Variants in FNDC3B observed in about 807,000 individuals in gnomAD.
The protein encoded by FNDC3B is fibronectin type III domain containing 3B.
FNDC3B carries 12 observed loss-of-function variants against 151.5 expected under a neutral mutation model. The observed-to-expected ratio is 0.08, with a 90% confidence interval of 0.05 to 0.13. The LOEUF is 0.13. Among genes scored for constraint, FNDC3B ranks in the 10% least tolerant of loss-of-function variants. The pLI is 1.00. For missense variants in FNDC3B, 1,214 were observed against 1,505.3 expected, an observed-to-expected ratio of 0.81 and a Z score of 3.20; for synonymous variants, 528 against 549.0, an observed-to-expected ratio of 0.96 and a Z score of 0.54.
At chr3:172,357,668 T>C (rs1734159353) in intron 22 of FNDC3B, among the ~76,000 whole-genome samples, 1 of 152,162 alleles carries the variant, frequency 6.6e-6, no homozygotes, top group Non-Finnish European at 1.5e-5. Context: ...CCTCCTGTGC[T>C]CAGAGGCCTT....
At chr3:172,056,934 A>G (rs900651305) in intron 1 of FNDC3B, among the ~76,000 whole-genome samples, 5 of 152,172 alleles carry the variant, frequency 3.3e-5, no homozygotes, top group African/African-American at 1.2e-4. Flanking sequence ...TGTGGGCCTA[A>G]AATGAAATAA....
intron 25 of FNDC3B, among the ~76,000 whole-genome samples, chr3:172,395,192 T>C (rs956648028): frequency 6.6e-6 from 1 of 152,238 alleles, no homozygotes; most frequent in African/African-American, 2.4e-5. Flanking sequence ...ATTTTCTTTT[T>C]TAATTATCAG....
rs548845284 is a variant in FNDC3B, at chr3:172,103,171, T to G, written c.-28-9281T>G. 2.6e-5 allele frequency among the ~76,000 whole-genome samples: 4 copies of G among 152,328 alleles called. No individual in the cohort carries two copies. The East Asian group carries it at 7.7e-4, about 29-fold the overall frequency. On this transcript the variant is annotated intron_variant, in intron 1 of 25. Transcript: ENST00000415807. ...AAACGAACCTTTGGTTGGTAAACTT[T>G]TTTTGTAGATAAGCCCCCTTTCCCT...
intron 11 of FNDC3B, among the ~76,000 whole-genome samples, chr3:172,315,239 T>A (rs2108260899): frequency 6.6e-6 from 1 of 152,208 alleles, no homozygotes; most frequent in South Asian, 2.1e-4. Context: ...TAGCTGGGCA[T>A]GACAGTGGGC....
intron 3 of FNDC3B, among the ~76,000 whole-genome samples, chr3:172,155,167 CA>C (rs1211274920): frequency 1.3e-5 from 2 of 152,156 alleles, no homozygotes; most frequent in Non-Finnish European, 2.9e-5. Context: ...AATACCCAGC[CA>C]AAGTCATAGG....
chr3:172,209,885 C>T (rs1200718954), intron 3 of FNDC3B, among the ~76,000 whole-genome samples: 1 of 152,392 alleles, frequency 6.6e-6, no homozygotes, highest in South Asian at 2.1e-4. Context: ...TGGTGCCCAA[C>T]GTCTGGAGGG....
At position 172,362,732 on chromosome 3, in the gene FNDC3B, A is replaced by G; in HGVS notation, c.2895A>G (p.Glu965=). The change falls in exon 23 of 26, where the codon GAA becomes GAG. Residue 965 remains glutamate (E), a synonymous_variant. Transcript: ENST00000415807. ...RPLPPLPPRL[E]CAAAGPQSLK... Reference sequence around the variant, plus strand: ...TACCACCCTTGCCTCCTAGGCTAGAATGTGCTGCTGCTGGTCCTCAGAGCC... The same window carrying G: ...TACCACCCTTGCCTCCTAGGCTAGAGTGTGCTGCTGCTGGTCCTCAGAGCC... 1.2e-6 allele frequency: 2 copies of G among 1,614,058 alleles called. No homozygotes were observed. The highest frequency in any genetic ancestry group is 1.7e-6 in the Non-Finnish European group (2 of 1,179,982).
At chr3:172,297,728 C>T (rs1348279865) in intron 8 of FNDC3B, among the ~76,000 whole-genome samples, 2 of 151,972 alleles carry the variant, frequency 1.3e-5, no homozygotes, top group African/African-American at 2.4e-5. Flanking sequence ...CCCTCCTTGG[C>T]CTCCCAAAGT....
At chr3:172,151,558 T>C (rs1290787819) in intron 3 of FNDC3B, among the ~76,000 whole-genome samples, 1 of 152,230 alleles carries the variant, frequency 6.6e-6, no homozygotes, top group Non-Finnish European at 1.5e-5. Context: ...GCATAATAAC[T>C]AATTTAAATT....
At chr3:172,307,961 C>T (rs1203773071) in intron 10 of FNDC3B, among the ~76,000 whole-genome samples, 1 of 152,170 alleles carries the variant, frequency 6.6e-6, no homozygotes, top group African/African-American at 2.4e-5. Flanking sequence ...CATCTTATCA[C>T]TTTCTAATAG....
At chr3:172,215,837 G>C (rs1352753213) in intron 3 of FNDC3B, among the ~76,000 whole-genome samples, 1 of 151,214 alleles carries the variant, frequency 6.6e-6, no homozygotes, top group Non-Finnish European at 1.5e-5. Flanking sequence ...TAACATCTTA[G>C]TCTGCATTTT....
At chr3:172,304,898 A>G (rs1240021871) in intron 9 of FNDC3B, among the ~76,000 whole-genome samples, 1 of 147,138 alleles carries the variant, frequency 6.8e-6, no homozygotes, top group Non-Finnish European at 1.5e-5. Context: ...CTTCATCTGA[A>G]AAAAAAAAAA....
At chr3:172,097,226 CCT>C (rs1719135247) in intron 1 of FNDC3B, among the ~76,000 whole-genome samples, 1 of 152,196 alleles carries the variant, frequency 6.6e-6, no homozygotes, top group Non-Finnish European at 1.5e-5. Context: ...TTCCCCCACC[CCT>C]CTTTTTTAGC....
At chr3:172,326,963 C>G (rs1279526019) in intron 11 of FNDC3B, among the ~76,000 whole-genome samples, 1 of 152,150 alleles carries the variant, frequency 6.6e-6, no homozygotes, top group Admixed American at 6.5e-5. Flanking sequence ...TCTTGCACTG[C>G]TTACTCTGAG....
At chr3:172,150,762 A>G (rs189453926) in intron 3 of FNDC3B, among the ~76,000 whole-genome samples, 28 of 152,242 alleles carry the variant, frequency 1.8e-4, no homozygotes, top group African/African-American at 6.7e-4. Context: ...TAGTAAGTGT[A>G]TATATTTATG....
chr3:172,199,331 C>T (rs551099188), intron 3 of FNDC3B, among the ~76,000 whole-genome samples: 2 of 151,900 alleles, frequency 1.3e-5, no homozygotes, highest in East Asian at 3.9e-4. Flanking sequence ...AGGCGCCCGC[C>T]ACCTCGCCTG....
intron 4 of FNDC3B, among the ~76,000 whole-genome samples, chr3:172,228,275 T>G (rs1195413578): frequency 6.6e-6 from 1 of 152,236 alleles, no homozygotes; most frequent in Non-Finnish European, 1.5e-5. Context: ...AGCCGTCAGT[T>G]AACAGAAAAG....
intron 4 of FNDC3B, among the ~76,000 whole-genome samples, chr3:172,241,708 T>C (rs1727501804): frequency 6.6e-6 from 1 of 152,166 alleles, no homozygotes; most frequent in Admixed American, 6.5e-5. Flanking sequence ...TCCCACAACA[T>C]GTAGAAATGC....
intron 7 of FNDC3B, among the ~76,000 whole-genome samples, chr3:172,287,170 A>C (rs546248490): frequency 3.6e-4 from 55 of 152,114 alleles, no homozygotes; most frequent in South Asian, 6.2e-4. Flanking sequence ...TGTGCCCTTC[A>C]TGGACTTCTG....
Sources: gnomAD v4.1 joint callset for allele counts (sites outside exome capture counted in the v4.1 genomes callset) on GRCh38, gnomAD v4.1.1 for gene constraint, MANE v1.5 for transcripts, NCBI Gene and HGNC (gene_info 2026-07-23, HGNC 2026-07-21) for gene names.